CCDC85A: variants seen among roughly 807,000 people sequenced by gnomAD.
The protein encoded by CCDC85A is coiled-coil domain containing 85A, also known as coiled-coil domain-containing protein 85A.
In CCDC85A, 38 loss-of-function variants were observed where a neutral mutation model predicts 50.2. The observed-to-expected ratio is 0.76, with a 90% CI of 0.58 to 0.99. The LOEUF (loss-of-function observed/expected upper bound fraction) is 0.99. Ranked by LOEUF, CCDC85A falls within the 50% of genes least tolerant of loss-of-function variation. The pLI, the probability that CCDC85A is intolerant of heterozygous loss-of-function variation, is 0.00. For synonymous variants in CCDC85A, 366 were observed against 301.4 expected, an observed-to-expected ratio of 1.21 and a Z score of -2.22; for missense variants, 820 against 742.0, an observed-to-expected ratio of 1.11 and a Z score of -1.22.
At chr2:56,291,544 G>T (rs528930314) in intron 2 of CCDC85A, among the ~76,000 whole-genome samples, 1 of 152,280 alleles carries the variant, frequency 6.6e-6, no homozygotes, top group Non-Finnish European at 1.5e-5. Context: ...GATTTAAAGG[G>T]TAGAAAGATA....
At chr2:56,312,206 A>G (rs367886168) in intron 2 of CCDC85A, among the ~76,000 whole-genome samples, 2 of 152,104 alleles carry the variant, frequency 1.3e-5, no homozygotes, top group East Asian at 1.9e-4. Flanking sequence ...GCAAACATCT[A>G]TCAAGCACCC....
chr2:56,340,193 A>G (rs1442445954), intron 2 of CCDC85A, among the ~76,000 whole-genome samples: 2 of 152,216 alleles, frequency 1.3e-5, no homozygotes, highest in Non-Finnish European at 2.9e-5. Flanking sequence ...ATGCTTATGT[A>G]TTTTAGAAAA....
intron 2 of CCDC85A, among the ~76,000 whole-genome samples, chr2:56,335,686 C>G (rs1674037736): frequency 6.6e-6 from 1 of 151,804 alleles, no homozygotes; most frequent in Non-Finnish European, 1.5e-5. Flanking sequence ...ACTGCAACCA[C>G]TGCCTCCCAG....
intron 2 of CCDC85A, among the ~76,000 whole-genome samples, chr2:56,221,807 A>G (rs1668338897): frequency 6.6e-6 from 1 of 152,140 alleles, no homozygotes; most frequent in Non-Finnish European, 1.5e-5. Flanking sequence ...ATTTCTTACT[A>G]CATGTGTTAT....
rs114564910 is a variant in CCDC85A, at chr2:56,327,869, C to T, written c.1241-15010C>T. 9.1e-3 allele frequency among the ~76,000 whole-genome samples: 1,379 copies of T among 151,066 alleles called. 20 individuals are homozygous for T. Among genetic ancestry groups the T allele is most frequent in the African/African-American group, 0.031 (1,287 of 41,114 alleles). The stretch of plus-strand genomic sequence containing the variant: ...AAAAAAAAAGATTTTAAGCATTGCC[C>T]GGCTCTCACTTTGACTGCTTAGAAA... On this transcript the variant is annotated intron_variant, in intron 2 of 5. Coordinates refer to ENST00000407595, the MANE Select transcript of CCDC85A (RefSeq NM_001080433.2).
intron 2 of CCDC85A, among the ~76,000 whole-genome samples, chr2:56,226,993 T>TA (rs1454469159): frequency 6.6e-6 from 1 of 152,170 alleles, no homozygotes; most frequent in South Asian, 2.1e-4. Context: ...GAGAAAGGGG[T>TA]AAAAGCTAAT....
At chr2:56,257,412 G>T (rs537709830) in intron 2 of CCDC85A, among the ~76,000 whole-genome samples, 2 of 152,292 alleles carry the variant, frequency 1.3e-5, no homozygotes, top group Admixed American at 6.5e-5. Flanking sequence ...GTGAAGCCAT[G>T]TTATGGTGGG....
chr2:56,316,522 T>G (rs938018878), intron 2 of CCDC85A, among the ~76,000 whole-genome samples: 27 of 152,126 alleles, frequency 1.8e-4, no homozygotes, highest in Admixed American at 1.6e-3. Flanking sequence ...AGCTCAGTGG[T>G]CAATTCTTTT....
Position 56,193,261 on chromosome 2 carries a change from C to A in CCDC85A, c.1061C>A (p.Ala354Asp). 1 of 1,612,458 alleles carries A rather than the reference C, an allele frequency of 6.2e-7. No individual in the cohort carries two copies. The highest frequency in any genetic ancestry group is 2.2e-5 in the East Asian group (1 of 44,756). ...GGGAGCCTAGAGCATCTCCCCAGAGCCAGGGGCACCAGCCCGGAGCACCTC... is the reference window on the plus strand; with the variant it reads ...GGGAGCCTAGAGCATCTCCCCAGAGACAGGGGCACCAGCCCGGAGCACCTC... ...LGGSLEHLPR[A>D]RGTSPEHLKQ... Residue 354 changes from alanine (A) to aspartate (D), a missense_variant, in exon 2 of 6, where the codon GCC becomes GAC. By Grantham distance (126) the Ala-to-Asp change is moderately radical. Coordinates refer to ENST00000407595, the MANE Select transcript of CCDC85A (RefSeq NM_001080433.2).
chr2:56,379,004 A>G (rs1472353303), intron 5 of CCDC85A, among the ~76,000 whole-genome samples: 2 of 152,220 alleles, frequency 1.3e-5, no homozygotes, highest in Admixed American at 6.5e-5. Context: ...GGTACCCACA[A>G]TAAAACTTTA....
chr2:56,382,264 T>A (rs1676622126), intron 5 of CCDC85A, among the ~76,000 whole-genome samples: 1 of 151,968 alleles, frequency 6.6e-6, no homozygotes, highest in Non-Finnish European at 1.5e-5. Flanking sequence ...TTTATAATAA[T>A]GTCACAGAAA....
At chr2:56,325,937 T>C (rs1431601735) in intron 2 of CCDC85A, among the ~76,000 whole-genome samples, 1 of 152,152 alleles carries the variant, frequency 6.6e-6, no homozygotes, top group Non-Finnish European at 1.5e-5. Flanking sequence ...AATGCAGTTA[T>C]TGTGTCTTAG....
intron 3 of CCDC85A, 121 bp downstream of exon 3, chr2:56,343,076 C>T (rs1238865621): frequency 1.5e-6 from 1 of 659,180 alleles, no homozygotes; most frequent in South Asian, 1.8e-5. Flanking sequence ...TTGTAAATAG[C>T]CATTCATCAA....
intron 2 of CCDC85A, among the ~76,000 whole-genome samples, chr2:56,272,835 G>T (rs925983873): frequency 2.0e-5 from 3 of 152,150 alleles, no homozygotes. Flanking sequence ...ACCTTTCAAG[G>T]ATAATTTCAG....
chr2:56,270,264 A>G (rs1405783500), intron 2 of CCDC85A, among the ~76,000 whole-genome samples: 3 of 152,190 alleles, frequency 2.0e-5, no homozygotes, highest in Admixed American at 6.5e-5. Context: ...AAAAAATGTT[A>G]TTTATGTAAT....
intron 2 of CCDC85A, among the ~76,000 whole-genome samples, chr2:56,314,924 A>G (rs1672853969): frequency 6.6e-6 from 1 of 152,088 alleles, no homozygotes. Context: ...CTTAGAGGAA[A>G]GGGTGTGGAT....
chr2:56,301,757 A>G (rs1672214986), intron 2 of CCDC85A, among the ~76,000 whole-genome samples: 1 of 152,164 alleles, frequency 6.6e-6, no homozygotes, highest in South Asian at 2.1e-4. Flanking sequence ...GAGGTGAACA[A>G]TGAGAACACA....
chr2:56,366,565 T>C (rs1012120792), intron 3 of CCDC85A, among the ~76,000 whole-genome samples: 3 of 152,374 alleles, frequency 2.0e-5, no homozygotes, highest in Admixed American at 2.0e-4. Context: ...GAAATGTCTA[T>C]TCAGGTCCTT....
intron 2 of CCDC85A, among the ~76,000 whole-genome samples, chr2:56,295,330 T>C (rs568040118): frequency 6.6e-6 from 1 of 152,368 alleles, no homozygotes; most frequent in South Asian, 2.1e-4. Flanking sequence ...TTCTTTTTTG[T>C]AGTGGGACTT....
Sources: allele counts gnomAD v4.1 joint callset (sites outside exome capture counted in the v4.1 genomes callset), GRCh38; gene constraint gnomAD v4.1.1; transcripts MANE v1.5; gene names NCBI Gene and HGNC (gene_info 2026-07-23, HGNC 2026-07-21).